The following RFX2 variants were observed in gnomAD, a reference collection of about 807,000 sequenced individuals.
RFX2 encodes DNA-binding protein RFX2.
RFX2 carries 20 observed loss-of-function variants against 87.8 expected under a neutral mutation model. The ratio of observed to expected loss-of-function variants is 0.23; its 90% CI spans 0.16 to 0.33. The LOEUF (loss-of-function observed/expected upper bound fraction) is 0.33. Among genes scored for constraint, RFX2 ranks in the 10% least tolerant of loss-of-function variants. The pLI, the probability that RFX2 is intolerant of heterozygous loss-of-function variation, is 1.00. For missense variants in RFX2, 767 were observed against 1,012.3 expected, an observed-to-expected ratio of 0.76 and a Z score of 3.29; for synonymous variants, 397 against 431.3, an observed-to-expected ratio of 0.92 and a Z score of 0.98.
chr19:6,065,651 G>C (rs2087499434), intron 1 of RFX2, among the ~76,000 whole-genome samples: 1 of 152,138 alleles, frequency 6.6e-6, no homozygotes, highest in Non-Finnish European at 1.5e-5. Context: ...ATAAGTTTCT[G>C]CTGCAAAAGA....
chr19:5,994,828 G>A lies in RFX2; in HGVS notation c.*7C>T, dbSNP rs761241488. On this transcript the variant is annotated 3_prime_UTR_variant, in exon 18 of 18. Coordinates refer to ENST00000303657, the MANE Select transcript of RFX2 (RefSeq NM_000635.4). ...TTGGAACCTCGAGGAGGCGCCGGCC[G>A]GGGCTGCTAGATGCCCTGCAGGGAG... The A allele has an allele frequency of 1.0e-5, 16 of 1,591,670 alleles. No homozygotes were observed. The highest frequency in any genetic ancestry group is 2.7e-5 in the African/African-American group (2 of 74,570).
intron 16 of RFX2, 111 bp from the exon 17 acceptor site, chr19:5,995,754 G>T: frequency 1.1e-6 from 1 of 935,950 alleles, no homozygotes; most frequent in Non-Finnish European, 1.7e-6. Context: ...TCCATTCACA[G>T]TGAAGCAGCT....
intron 6 of RFX2, among the ~76,000 whole-genome samples, chr19:6,018,446 G>A (rs1346568462): frequency 6.6e-6 from 1 of 152,206 alleles, no homozygotes; most frequent in East Asian, 1.9e-4. Context: ...GACCTGCCCT[G>A]GGTTCTGGAA....
At chr19:6,055,266 T>C (rs1028151242) in intron 1 of RFX2, among the ~76,000 whole-genome samples, 1 of 152,176 alleles carries the variant, frequency 6.6e-6, no homozygotes, top group Admixed American at 6.5e-5. Context: ...ATATGAATGA[T>C]ATGACCACAC....
intron 1 of RFX2, among the ~76,000 whole-genome samples, chr19:6,070,110 G>GT (rs141527807): frequency 2.3e-3 from 5 of 2,212 alleles, no homozygotes; most frequent in Non-Finnish European, 2.1e-3. Context: ...GGGATGGGAT[G>GT]GGATGGGATG....
chr19:6,107,354 C>T (rs568934644), intron 1 of RFX2, among the ~76,000 whole-genome samples: 4 of 151,172 alleles, frequency 2.6e-5, no homozygotes, highest in South Asian at 2.1e-4. Flanking sequence ...TGGTGGCTTA[C>T]GCCTGTAATC....
chr19:6,068,247 C>G (rs1359995138), intron 1 of RFX2: 1 of 152,100 alleles, frequency 6.6e-6, no homozygotes, highest in East Asian at 1.9e-4. Flanking sequence ...AACCCCATGT[C>G]CAGAAGGATG....
chr19:6,092,409 AG>A (rs2087948600), intron 1 of RFX2, among the ~76,000 whole-genome samples: 1 of 152,176 alleles, frequency 6.6e-6, no homozygotes, highest in Non-Finnish European at 1.5e-5. Context: ...GGCTGCTGGA[AG>A]GAAGGTCTTC....
At chr19:6,095,586 G>A (rs534193942) in intron 1 of RFX2, among the ~76,000 whole-genome samples, 130 of 152,188 alleles carry the variant, frequency 8.5e-4, no homozygotes, top group African/African-American at 2.9e-3. Context: ...GTGGGGTAGG[G>A]AAAATCAGGC....
chr19:6,090,804 C>T (rs981764863), intron 1 of RFX2, among the ~76,000 whole-genome samples: 2 of 152,184 alleles, frequency 1.3e-5, no homozygotes, highest in South Asian at 2.1e-4. Flanking sequence ...ATGTGGTCCA[C>T]CCATGGAGTG....
Position 6,016,846 on chromosome 19 carries a change from T to G in RFX2, c.598-575A>C, listed in dbSNP as rs2086732515. On this transcript the variant is annotated intron_variant, in intron 6 of 17. Transcript: ENST00000303657. This position sits in a 1 kb window ranked among gnomAD's most constrained non-coding sequence, Gnocchi z 5.4. ...TGGGTGTGATCAGGAACTATTAGCT[T>G]CTGTCTTCAGTCCCTTAAATGAAAT... 2.0e-5 allele frequency among the ~76,000 whole-genome samples: 3 copies of G among 152,182 alleles called. No homozygotes were observed. The highest frequency in any genetic ancestry group is 6.5e-5 in the Admixed American group (1 of 15,274).
In RFX2 at chr19:6,045,665, TG is replaced by T. The variant is rs202218132; in HGVS notation, c.91-1384del. ...TTGTTTTTGCGGAATTGTGTTTTTT[TG>T]TTTTTGTTTTTTTGTGTTTTTTGGG... On this transcript the variant is annotated intron_variant, in intron 2 of 17. Transcript: ENST00000303657. The surrounding 1 kb of genome is among the most constrained non-coding windows in gnomAD (Gnocchi z 5.2). Among the ~76,000 whole-genome samples, 242 of 151,172 alleles carry T rather than the reference TG, an allele frequency of 1.6e-3. 1 individual carries two copies. The highest frequency in any genetic ancestry group is 5.7e-3 in the African/African-American group (232 of 40,492).
chr19:5,997,576 G>A lies in RFX2; in HGVS notation c.1860-363C>T, dbSNP rs966458725. On this transcript the variant is annotated intron_variant, in intron 15 of 17. Coordinates refer to ENST00000303657, the MANE Select transcript of RFX2 (RefSeq NM_000635.4). The surrounding 1 kb of genome is among the most constrained non-coding windows in gnomAD (Gnocchi z 4.2). The stretch of plus-strand genomic sequence containing the variant: ...TCTTTCTAGTGACATTTCGGACTCC[G>A]AATCAGAGCACAGGCTGGCAGCTGG... Among the ~76,000 whole-genome samples, 7 of 152,184 alleles carry A rather than the reference G, an allele frequency of 4.6e-5. No homozygotes were observed. Among genetic ancestry groups the A allele is most frequent in the African/African-American group, 1.4e-4 (6 of 41,446 alleles).
At chr19:6,015,978 G>T in intron 7 of RFX2, 112 bp downstream of exon 7, 1 of 1,019,248 alleles carries the variant, frequency 9.8e-7, no homozygotes. Flanking sequence ...CTCCAGAGGT[G>T]GCTGCGAATC....
rs1244717222 is a variant in RFX2 at position 5,999,705 on chromosome 19, A to G, written c.1859+2110T>C. Among the ~76,000 whole-genome samples, 4 of 152,152 alleles carry G rather than the reference A, an allele frequency of 2.6e-5. No homozygotes were observed. Among genetic ancestry groups the G allele is most frequent in the African/African-American group, 9.7e-5 (4 of 41,438 alleles). On this transcript the variant is annotated intron_variant, in intron 15 of 17. Transcript: ENST00000303657. The surrounding 1 kb of genome is among the most constrained non-coding windows in gnomAD (Gnocchi z 4.1). The stretch of plus-strand genomic sequence containing the variant: ...ATCATGCAGGAGACAGACAACAGAC[A>G]AGTGAACAGATGACAGGTGACGGTC...
chr19:6,040,591 T>C lies in RFX2; in HGVS notation c.261-350A>G, dbSNP rs1344161835. Among the ~76,000 whole-genome samples, 1 of 151,968 alleles carries C rather than the reference T, an allele frequency of 6.6e-6. No homozygotes were observed. The highest frequency in any genetic ancestry group is 1.5e-5 in the Non-Finnish European group (1 of 67,996). On this transcript the variant is annotated intron_variant, in intron 4 of 17. Transcript: ENST00000303657. The surrounding 1 kb of genome is among the most constrained non-coding windows in gnomAD (Gnocchi z 6.1). ...CCTGGGCAACATAGAGAGAACCATCTCTACAAAAAATAAAAGATTTAGCCA... is the reference window on the plus strand; with the variant it reads ...CCTGGGCAACATAGAGAGAACCATCCCTACAAAAAATAAAAGATTTAGCCA...
intron 5 of RFX2, among the ~76,000 whole-genome samples, chr19:6,035,140 A>C (rs1362529398): frequency 6.6e-6 from 1 of 152,212 alleles, no homozygotes; most frequent in African/African-American, 2.4e-5. Context: ...AAAAAAGATA[A>C]AGACTTTTTG....
At chr19:6,053,041 CAAACT>C (rs1232614583) in intron 1 of RFX2, among the ~76,000 whole-genome samples, 2 of 151,468 alleles carry the variant, frequency 1.3e-5, no homozygotes, top group Non-Finnish European at 2.9e-5. Flanking sequence ...GAAAGACAAA[CAAACT>C]AAACTTAATA....
rs2087807743 is a variant in RFX2, at chr19:6,083,019, G to T, written c.-9+27374C>A. On this transcript the variant is annotated intron_variant, in intron 1 of 17. Coordinates refer to ENST00000303657, the MANE Select transcript of RFX2 (RefSeq NM_000635.4). This position sits in a 1 kb window ranked among gnomAD's most constrained non-coding sequence, Gnocchi z 4.6. Reference sequence around the variant, plus strand: ...AGTGGCACAAACACGGCTCGCTGCAGCCTCAACCTCCCTGGGCTCAGGGAG... The same window carrying T: ...AGTGGCACAAACACGGCTCGCTGCATCCTCAACCTCCCTGGGCTCAGGGAG... 2.0e-5 allele frequency among the ~76,000 whole-genome samples: 3 copies of T among 152,084 alleles called. No homozygotes were observed. The highest frequency in any genetic ancestry group is 4.8e-5 in the African/African-American group (2 of 41,402).
Sources: allele counts gnomAD v4.1 joint callset (sites outside exome capture counted in the v4.1 genomes callset), GRCh38; gene constraint gnomAD v4.1.1; non-coding constraint Gnocchi (gnomAD v3.1); transcripts MANE v1.5; gene names NCBI Gene and HGNC (gene_info 2026-07-23, HGNC 2026-07-21).